Variants in WIPF2 observed in about 807,000 individuals in gnomAD.
The protein encoded by WIPF2 is WAS/WASL interacting protein family member 2, also known as WAS/WASL-interacting protein family member 2.
Under a neutral mutation model 38.8 loss-of-function variants are expected in WIPF2, and 23 were observed. That is an observed-to-expected ratio of 0.59 (90% CI 0.43 to 0.84). The LOEUF is 0.84. Ranked by LOEUF, WIPF2 falls within the 40% of genes least tolerant of loss-of-function variation. The pLI is 0.00. For missense variants in WIPF2, 574 were observed against 580.5 expected (o/e 0.99, Z 0.11); for synonymous variants, 210 against 223.2 (o/e 0.94, Z 0.53).
chr17:40,268,289 T>C (rs2032150774), intron 5 of WIPF2, among the ~76,000 whole-genome samples: 2 of 152,232 alleles, frequency 1.3e-5, no homozygotes, highest in Admixed American at 1.3e-4. Context: ...AGTGGCCTAC[T>C]GCATTCCTGA....
At chr17:40,239,046 T>TTTTATTTATTTATTTATTTA (rs57564513) in intron 1 of WIPF2, among the ~76,000 whole-genome samples, 9 of 138,814 alleles carry the variant, frequency 6.5e-5, no homozygotes, top group African/African-American at 2.2e-4. Flanking sequence ...GTTTATTTTA[T>TTTTATTTATTTATTTATTTA]TTTATTTATT....
chr17:40,228,096 A>G (rs1430126055), intron 1 of WIPF2, among the ~76,000 whole-genome samples: 1 of 138,076 alleles, frequency 7.2e-6, no homozygotes, highest in Non-Finnish European at 1.5e-5. Context: ...GCTCACTGCA[A>G]GCTCCGCCTC....
intron 5 of WIPF2, among the ~76,000 whole-genome samples, chr17:40,267,821 T>C (rs2032138908): frequency 6.6e-6 from 1 of 152,166 alleles, no homozygotes; most frequent in Non-Finnish European, 1.5e-5. Flanking sequence ...AAAGTCAGTT[T>C]CTACAGGTAT....
chr17:40,262,576 C>T lies in WIPF2; in HGVS notation c.248C>T (p.Pro83Leu). Reference sequence around the variant, plus strand: ...GGCTCTGGAGGAGCTGCCCTGCAGCCCAAGGGAGGTCTCTTCCAAGGAGGA... The same window carrying T: ...GGCTCTGGAGGAGCTGCCCTGCAGCTCAAGGGAGGTCTCTTCCAAGGAGGA... ...GYGSGGAALQ[P>L]KGGLFQGGVL... The change falls in exon 4 of 8, where the codon CCC (proline) becomes CTC (leucine). Residue 83 changes from proline to leucine, a missense_variant. Transcript: ENST00000323571. 1 of 1,613,990 alleles carries T rather than the reference C, an allele frequency of 6.2e-7. No homozygotes were observed. Among genetic ancestry groups the T allele is most frequent in the South Asian group, 1.1e-5 (1 of 91,064 alleles).
At chr17:40,263,487 A>G (rs900315499) in intron 4 of WIPF2, among the ~76,000 whole-genome samples, 44 of 151,002 alleles carry the variant, frequency 2.9e-4, no homozygotes, top group African/African-American at 1.0e-3. Context: ...ATTATACTTA[A>G]TGTATATTTC....
intron 5 of WIPF2, among the ~76,000 whole-genome samples, chr17:40,268,215 T>G (rs1454916595): frequency 6.6e-6 from 1 of 152,204 alleles, no homozygotes; most frequent in Non-Finnish European, 1.5e-5. Context: ...GTGTGCAGCT[T>G]CTTTGTTCAG....
intron 1 of WIPF2, among the ~76,000 whole-genome samples, chr17:40,250,112 C>A (rs1412101312): frequency 6.6e-6 from 1 of 150,506 alleles, no homozygotes; most frequent in Non-Finnish European, 1.5e-5. Context: ...GATTACAGGC[C>A]TGAGCCACCC....
chr17:40,246,366 G>A (rs1485226880), intron 1 of WIPF2, among the ~76,000 whole-genome samples: 2 of 149,954 alleles, frequency 1.3e-5, no homozygotes, highest in Admixed American at 6.7e-5. Context: ...GATTACAGGC[G>A]TGAGCCACCG....
intron 5 of WIPF2, among the ~76,000 whole-genome samples, chr17:40,269,027 A>G (rs893620911): frequency 6.6e-6 from 1 of 151,870 alleles, no homozygotes; most frequent in South Asian, 2.1e-4. Context: ...TACAAAAAAT[A>G]AAAAAACTAG....
rs1481901590 is a variant in WIPF2, at chr17:40,283,151, A to G, written c.*4926A>G. ...CACTGAGCTGAGATCATGCCACTGC[A>G]CTAAAAAAAAAAAAAAAAAAAAAAA... On this transcript the variant is annotated 3_prime_UTR_variant, in exon 8 of 8. Transcript: ENST00000323571. 2.7e-4 allele frequency: 29 copies of G among 107,698 alleles called. No individual in the cohort carries two copies. Among genetic ancestry groups the G allele is most frequent in the African/African-American group, 9.3e-4 (24 of 25,888 alleles). 6.7% of individuals were successfully genotyped at this position (107,698 alleles called of 1,614,324 possible).
At chr17:40,242,522 C>T (rs1030729371) in intron 1 of WIPF2, among the ~76,000 whole-genome samples, 9 of 152,136 alleles carry the variant, frequency 5.9e-5, no homozygotes, top group African/African-American at 2.2e-4. Context: ...GCCTCAGCCT[C>T]CCGAGTAGCT....
chr17:40,241,321 C>G (rs542727806), intron 1 of WIPF2, among the ~76,000 whole-genome samples: 1 of 152,214 alleles, frequency 6.6e-6, no homozygotes, highest in Non-Finnish European at 1.5e-5. Flanking sequence ...GTTTGGAAAC[C>G]CTGCTTTAGA....
chr17:40,274,931 C>T (rs1487186680), intron 6 of WIPF2, among the ~76,000 whole-genome samples: 2 of 45,580 alleles, frequency 4.4e-5, no homozygotes, highest in Admixed American at 2.3e-4. Context: ...GAATCTGTCT[C>T]AAAAAAAAAA....
At chr17:40,239,238 A>G (rs2031095696) in intron 1 of WIPF2, among the ~76,000 whole-genome samples, 1 of 151,154 alleles carries the variant, frequency 6.6e-6, no homozygotes, top group African/African-American at 2.4e-5. Context: ...CGCCCGGCTA[A>G]TTTTTTGTAT....
chr17:40,273,026 T>A (rs539880087), intron 5 of WIPF2, among the ~76,000 whole-genome samples: 1 of 152,242 alleles, frequency 6.6e-6, no homozygotes, highest in East Asian at 1.9e-4. Flanking sequence ...CTTTGAGACT[T>A]TATTTTTTTA....
intron 1 of WIPF2, among the ~76,000 whole-genome samples, chr17:40,255,614 C>G (rs189463283): frequency 6.6e-6 from 1 of 151,018 alleles, no homozygotes; most frequent in Non-Finnish European, 1.5e-5. Flanking sequence ...TGTGAGCCAC[C>G]GTGCCCGGCC....
In WIPF2 at chr17:40,283,799, C is replaced by T. The variant is rs567176633; in HGVS notation, c.*5574C>T. 6.6e-6 allele frequency: 1 copy of T among 152,282 alleles called. No individual in the cohort carries two copies. Among genetic ancestry groups the T allele is most frequent in the East Asian group, 1.9e-4 (1 of 5,178 alleles). 9.4% of individuals were successfully genotyped at this position (152,282 alleles called of 1,614,324 possible). On this transcript the variant is annotated 3_prime_UTR_variant, in exon 8 of 8. Coordinates refer to ENST00000323571, the MANE Select transcript of WIPF2 (RefSeq NM_133264.5). ...TTTAAGCTGAATCTTAGCTGGTTTTCTTGAACTTTGACTTTAGGTGTAAAA... is the reference window on the plus strand; with the variant it reads ...TTTAAGCTGAATCTTAGCTGGTTTTTTTGAACTTTGACTTTAGGTGTAAAA...
At chr17:40,257,453 T>A (rs1350498785) in intron 2 of WIPF2, among the ~76,000 whole-genome samples, 2 of 152,014 alleles carry the variant, frequency 1.3e-5, no homozygotes, top group Non-Finnish European at 2.9e-5. Context: ...GCAATGTGAT[T>A]TTTGAACCAA....
chr17:40,265,732 A>G (rs924792039), intron 5 of WIPF2, among the ~76,000 whole-genome samples: 2 of 152,186 alleles, frequency 1.3e-5, no homozygotes, highest in Non-Finnish European at 2.9e-5. Context: ...GGATTTTGCA[A>G]AGACCTTGGA....
Sources: gnomAD v4.1 joint callset for allele counts (sites outside exome capture counted in the v4.1 genomes callset) on GRCh38, gnomAD v4.1.1 for gene constraint, MANE v1.5 for transcripts, NCBI Gene and HGNC (gene_info 2026-07-23, HGNC 2026-07-21) for gene names.